The following SDR42E2 variants were observed in gnomAD, a reference collection of about 807,000 sequenced individuals.
SDR42E2 encodes the protein short chain dehydrogenase/reductase family 42E, member 2.
SDR42E2 carries 20 observed loss-of-function variants against 10.5 expected under a neutral mutation model. The observed-to-expected ratio is 1.90, with a 90% CI of 1.34 to 2.77. The LOEUF is 2.77. Ranked by LOEUF, SDR42E2 falls within the 30% of genes most tolerant of loss-of-function variation. The probability of loss-of-function intolerance (pLI) is 0.00; values close to 1 mark genes in which losing one functional copy is unlikely to be tolerated. For synonymous variants in SDR42E2, 72 were observed against 39.2 expected (o/e 1.84, Z -3.12); for missense variants, 162 against 104.2 (o/e 1.55, Z -2.42).
intron 2 of SDR42E2, among the ~76,000 whole-genome samples, chr16:22,165,980 C>CCG: frequency 6.6e-6 from 1 of 151,964 alleles, no homozygotes; most frequent in African/African-American, 2.4e-5. Flanking sequence ...GGAGCTGGGT[C>CCG]TGTACCTGGA....
chr16:22,166,263 G>A lies in SDR42E2; in HGVS notation c.69G>A (p.Lys23=), dbSNP rs1282916901. The stretch of plus-strand genomic sequence containing the variant: ...CCCCAACACCAGCGCCGCAGCAGAA[G>A]ACTCAAGCCAAACCTACAAAGGCTG... The part of the protein sequence containing the change: ...CKAAGQAPQQ[K]TQAKPTKAAR... The change falls in exon 3 of 13, where the codon AAG becomes AAA. Residue 23 remains lysine, a synonymous_variant. Transcript: ENST00000602312. The A allele has an allele frequency of 2.5e-6, 1 of 402,980 alleles. No homozygotes were observed. Among genetic ancestry groups the A allele is most frequent in the Non-Finnish European group, 4.4e-6 (1 of 227,518 alleles). The allele number at this position is 402,980 out of a possible 1,614,324, so 25.0% of individuals were successfully genotyped here.
At chr16:22,175,621 G>T (rs1034436418) in intron 7 of SDR42E2, among the ~76,000 whole-genome samples, 6 of 150,932 alleles carry the variant, frequency 4.0e-5, no homozygotes, top group Non-Finnish European at 7.4e-5. Context: ...GGTTGAGGAT[G>T]CAGTGAGCCA....
intron 7 of SDR42E2, among the ~76,000 whole-genome samples, chr16:22,176,277 C>A (rs1008032715): frequency 3.9e-5 from 6 of 152,060 alleles, no homozygotes; most frequent in South Asian, 2.1e-4. Flanking sequence ...CACCATGGTG[C>A]CTGGCTAATT....
intron 11 of SDR42E2, 70 bp from the exon 12 acceptor site, chr16:22,186,651 G>T (rs1021409989): frequency 2.5e-6 from 1 of 401,012 alleles, no homozygotes; most frequent in African/African-American, 2.1e-5. Context: ...CCATTGATTT[G>T]TCCCCAAGGG....
chr16:22,181,402 G>A (rs1190458588), intron 8 of SDR42E2, 117 bp from the exon 9 acceptor site: 1 of 660,322 alleles, frequency 1.5e-6, no homozygotes, highest in East Asian at 2.7e-5. Flanking sequence ...TTGGATACAT[G>A]AGCCTGGAGC....
At chr16:22,165,840 GCCTGGGCCAGGAGCTGGGTCTGTA>G (rs931801936) in intron 2 of SDR42E2, among the ~76,000 whole-genome samples, 12 of 152,124 alleles carry the variant, frequency 7.9e-5, no homozygotes, top group Non-Finnish European at 1.5e-4. Flanking sequence ...CAGGTCTAGG[GCCTGGGCCAGGAGCTGGGTCTGTA>G]CCTGGGCCAG....
chr16:22,172,472 A>C, intron 7 of SDR42E2, 141 bp downstream of exon 7: 1 of 657,568 alleles, frequency 1.5e-6, no homozygotes, highest in South Asian at 1.7e-5. Context: ...TTGCCCATTC[A>C]TCATTCAGCA....
intron 7 of SDR42E2, among the ~76,000 whole-genome samples, chr16:22,174,592 G>A (rs2142068506): frequency 6.8e-6 from 1 of 147,650 alleles, no homozygotes; most frequent in African/African-American, 2.5e-5. Context: ...AGTTAGGCCT[G>A]GACCCCTGAT....
At chr16:22,181,234 G>T (rs2046690191) in intron 8 of SDR42E2, among the ~76,000 whole-genome samples, 2 of 152,168 alleles carry the variant, frequency 1.3e-5, no homozygotes, top group African/African-American at 4.8e-5. Flanking sequence ...GGGAGTCAAA[G>T]GTGGCTTTAG....
At chr16:22,174,269 G>C (rs568300644) in intron 7 of SDR42E2, among the ~76,000 whole-genome samples, 1 of 152,090 alleles carries the variant, frequency 6.6e-6, no homozygotes, top group Admixed American at 6.6e-5. Context: ...GGGAGCAGAG[G>C]TTGCAGTGAG....
chr16:22,184,988 T>A lies in SDR42E2; in HGVS notation c.940+744T>A, dbSNP rs374784928. 7.2e-5 allele frequency among the ~76,000 whole-genome samples: 11 copies of A among 152,214 alleles called. No homozygotes were observed. In the South Asian group the frequency reaches 2.3e-3, roughly 32 times the overall value. On this transcript the variant is annotated intron_variant, in intron 11 of 12. Transcript: ENST00000602312. Reference sequence around the variant, plus strand: ...TGCCAGTCAGGAGGAGAGAGAACCCTGGGGCTGTTCTGTCCCCCAAGGTCA... The same window carrying A: ...TGCCAGTCAGGAGGAGAGAGAACCCAGGGGCTGTTCTGTCCCCCAAGGTCA...
chr16:22,190,466 A>G lies in SDR42E2; in HGVS notation c.*73A>G, dbSNP rs1259761509. 1 of 400,622 alleles carries G rather than the reference A, an allele frequency of 2.5e-6. No homozygotes were observed. The highest frequency in any genetic ancestry group is 4.4e-5 in the Admixed American group (1 of 22,706). 24.8% of individuals were successfully genotyped at this position (400,622 alleles called of 1,614,324 possible). ...CCCACGCCCGGCTCCCTGGGCTTGTACCAGCCCCTGCCCCGCCTTCTGGGT... is the reference window on the plus strand; with the variant it reads ...CCCACGCCCGGCTCCCTGGGCTTGTGCCAGCCCCTGCCCCGCCTTCTGGGT... On this transcript the variant is annotated 3_prime_UTR_variant, in exon 13 of 13. Coordinates refer to ENST00000602312, the MANE Select transcript of SDR42E2 (RefSeq NM_001394319.2).
At chr16:22,186,937 T>A (rs1043098232) in intron 12 of SDR42E2, 143 bp downstream of exon 12, 4 of 397,330 alleles carry the variant, frequency 1.0e-5, no homozygotes, top group African/African-American at 6.2e-5. Flanking sequence ...GAACTTTCCA[T>A]GTGGGCCCAA....
intron 11 of SDR42E2, among the ~76,000 whole-genome samples, chr16:22,186,130 T>C (rs750382297): frequency 5.3e-5 from 8 of 152,096 alleles, no homozygotes; most frequent in South Asian, 2.1e-4. Flanking sequence ...CCAGAGAGCA[T>C]TGGAGTAGAA....
intron 7 of SDR42E2, among the ~76,000 whole-genome samples, chr16:22,172,877 C>A (rs550696330): frequency 1.4e-3 from 209 of 152,238 alleles, no homozygotes; most frequent in Non-Finnish European, 2.1e-3. Flanking sequence ...AACTCCTGGG[C>A]TTAAGTAATC....
chr16:22,191,464 GC>G lies in SDR42E2; in HGVS notation c.*1073del, dbSNP rs1471463107. On this transcript the variant is annotated 3_prime_UTR_variant, in exon 13 of 13. Transcript: ENST00000602312. ...TCGGGTGACGTTGGTATGAGTTTGCGCCGTCGGCTGCTGCTCTGTCTGGTAA... is the reference window on the plus strand; with the variant it reads ...TCGGGTGACGTTGGTATGAGTTTGCGCGTCGGCTGCTGCTCTGTCTGGTAA... 5.3e-5 allele frequency: 8 copies of G among 152,294 alleles called. No homozygotes were observed. In the East Asian group the frequency reaches 1.5e-3, roughly 29 times the overall value. The allele number at this position is 152,294 out of a possible 1,614,324, so 9.4% of individuals were successfully genotyped here.
At chr16:22,181,222 G>C (rs1336119810) in intron 8 of SDR42E2, among the ~76,000 whole-genome samples, 1 of 152,156 alleles carries the variant, frequency 6.6e-6, no homozygotes, top group African/African-American at 2.4e-5. Context: ...TTTAAGACAA[G>C]GGGGAGTCAA....
intron 10 of SDR42E2, among the ~76,000 whole-genome samples, chr16:22,182,686 G>C (rs2046705615): frequency 6.6e-6 from 1 of 152,132 alleles, no homozygotes; most frequent in Non-Finnish European, 1.5e-5. Context: ...TTTCCAAAAA[G>C]CCAGAAGATT....
intron 7 of SDR42E2, among the ~76,000 whole-genome samples, chr16:22,176,617 C>T: frequency 6.6e-6 from 1 of 152,294 alleles, no homozygotes; most frequent in African/African-American, 2.4e-5. Flanking sequence ...ATAGTAGAGA[C>T]TCACTATGTT....
Sources: gnomAD v4.1 joint callset for allele counts (sites outside exome capture counted in the v4.1 genomes callset) on GRCh38, gnomAD v4.1.1 for gene constraint, MANE v1.5 for transcripts, NCBI Gene and HGNC (gene_info 2026-07-23, HGNC 2026-07-21) for gene names.